Variants in NPAS3 observed in about 807,000 individuals in gnomAD.
NPAS3 encodes neuronal PAS domain protein 3, also known as neuronal PAS domain-containing protein 3.
In NPAS3, 14 loss-of-function variants were observed where a neutral mutation model predicts 73.1. The ratio of observed to expected loss-of-function variants is 0.19; its 90% CI spans 0.13 to 0.30. NPAS3 has a LOEUF of 0.30. Ranked by LOEUF, NPAS3 falls within the 10% of genes least tolerant of loss-of-function variation. The probability of loss-of-function intolerance (pLI) is 1.00; values close to 1 mark genes in which losing one functional copy is unlikely to be tolerated. For missense variants in NPAS3, 1,096 were observed against 1,250.0 expected (o/e 0.88, Z 1.86); for synonymous variants, 620 against 541.5 (o/e 1.14, Z -2.01).
At chr14:33,607,993 C>T (rs1488801731) in intron 5 of NPAS3, among the ~76,000 whole-genome samples, 1 of 152,066 alleles carries the variant, frequency 6.6e-6, no homozygotes, top group Non-Finnish European at 1.5e-5. Flanking sequence ...CCACTGGGTC[C>T]CTCCCACCAC....
intron 6 of NPAS3, 102 bp downstream of exon 6, chr14:33,676,487 T>C (rs752343814): frequency 3.4e-6 from 3 of 893,748 alleles, no homozygotes; most frequent in Non-Finnish European, 4.8e-6. Context: ...GGTCTAAGGG[T>C]ATTTAACAAT....
At chr14:33,205,856 C>G (rs948399937) in intron 2 of NPAS3, among the ~76,000 whole-genome samples, 2 of 152,172 alleles carry the variant, frequency 1.3e-5, no homozygotes, top group Admixed American at 6.5e-5. Flanking sequence ...TCTTCAGAAG[C>G]TTTCTTCCAC....
rs191318563 is a variant in NPAS3, at chr14:33,184,760, C to T, written c.141-30422C>T. ...GGAAGAAGAAATACAGGATGCTGCCCGGTGTTCTGATGTGGACAGTGGGTG... is the reference window on the plus strand; with the variant it reads ...GGAAGAAGAAATACAGGATGCTGCCTGGTGTTCTGATGTGGACAGTGGGTG... On this transcript the variant is annotated intron_variant, in intron 2 of 11. Transcript: ENST00000356141. Among the ~76,000 whole-genome samples the T allele has an allele frequency of 5.3e-5, 8 of 152,110 alleles. No homozygotes were observed. In the East Asian group the frequency reaches 1.2e-3, roughly 22 times the overall value.
intron 2 of NPAS3, among the ~76,000 whole-genome samples, chr14:33,108,993 A>T (rs1357425454): frequency 1.3e-5 from 2 of 152,166 alleles, no homozygotes; most frequent in African/African-American, 2.4e-5. Context: ...GTTTGTGAAG[A>T]AGATTTTGTT....
chr14:33,711,029 C>T (rs776743016), intron 6 of NPAS3, among the ~76,000 whole-genome samples: 32 of 152,132 alleles, frequency 2.1e-4, no homozygotes, highest in Admixed American at 1.3e-3. Flanking sequence ...TGGGAGCAAG[C>T]GCAGGTTTCC....
intron 4 of NPAS3, among the ~76,000 whole-genome samples, chr14:33,556,447 C>T (rs2055361268): frequency 6.6e-6 from 1 of 152,144 alleles, no homozygotes; most frequent in South Asian, 2.1e-4. Context: ...TCCATCCTTA[C>T]TAGTCATTAT....
chr14:33,022,460 C>A (rs370827672), intron 1 of NPAS3, among the ~76,000 whole-genome samples: 1 of 151,918 alleles, frequency 6.6e-6, no homozygotes, highest in Non-Finnish European at 1.5e-5. Context: ...GTCAGGAGAT[C>A]GAGACCATCC....
intron 2 of NPAS3, among the ~76,000 whole-genome samples, chr14:33,067,917 T>G (rs191298007): frequency 6.6e-6 from 1 of 152,236 alleles, no homozygotes; most frequent in South Asian, 2.1e-4. Context: ...GCCTCTCTCT[T>G]GTCTCAAATA....
chr14:33,483,411 C>T (rs144470090), intron 4 of NPAS3, among the ~76,000 whole-genome samples: 62 of 152,276 alleles, frequency 4.1e-4, no homozygotes, highest in African/African-American at 1.4e-3. Context: ...TACATTTCCA[C>T]AGTTATACCT....
chr14:33,399,347 G>A lies in NPAS3; in HGVS notation c.468+32079G>A, dbSNP rs138155778. Among the ~76,000 whole-genome samples the A allele has an allele frequency of 1.7e-3, 266 of 152,106 alleles. 1 individual carries two copies. Among genetic ancestry groups the A allele is most frequent in the African/African-American group, 6.1e-3 (255 of 41,506 alleles). ...ATTTTTTTTTCTTAAGGAACATGGA[G>A]TGCTTGCCTCTTCCGGTAGAACAAG... is the stretch of plus-strand genomic sequence containing the variant. On this transcript the variant is annotated intron_variant, in intron 4 of 11. Transcript: ENST00000356141.
intron 6 of NPAS3, among the ~76,000 whole-genome samples, chr14:33,732,922 C>G (rs1406893618): frequency 6.6e-6 from 1 of 152,222 alleles, no homozygotes; most frequent in African/African-American, 2.4e-5. Flanking sequence ...TCTAATGTAC[C>G]CTCTAAGTGT....
Position 32,946,360 on chromosome 14 carries a change from A to G in NPAS3, c.50+6994A>G, listed in dbSNP as rs1446090732. 2.8e-3 allele frequency among the ~76,000 whole-genome samples: 423 copies of G among 151,120 alleles called. 2 individuals carry two copies. The highest frequency in any genetic ancestry group is 9.5e-3 in the African/African-American group (391 of 41,130). On this transcript the variant is annotated intron_variant, in intron 1 of 11. Coordinates refer to ENST00000356141, the Ensembl canonical transcript of NPAS3. Reference sequence around the variant, plus strand: ...CACACACACACGCGCACACACACACACACACACACACACACACACACACAC... The same window carrying G: ...CACACACACACGCGCACACACACACGCACACACACACACACACACACACAC...
At chr14:33,570,025 G>A (rs1018156593) in intron 5 of NPAS3, among the ~76,000 whole-genome samples, 1 of 152,126 alleles carries the variant, frequency 6.6e-6, no homozygotes, top group Non-Finnish European at 1.5e-5. Context: ...ATACAGATGG[G>A]GTATTTGTGT....
chr14:33,756,082 AG>A (rs1158392184), intron 7 of NPAS3, among the ~76,000 whole-genome samples: 1 of 152,228 alleles, frequency 6.6e-6, no homozygotes, highest in African/African-American at 2.4e-5. Context: ...AAGTTTGGTG[AG>A]GGCAAATACC....
intron 3 of NPAS3, among the ~76,000 whole-genome samples, chr14:33,246,839 C>CAAAAAAAAAAAAA (rs571439161): frequency 1.6e-5 from 1 of 61,954 alleles, no homozygotes; most frequent in Non-Finnish European, 2.8e-5. Flanking sequence ...ATTAAAAATA[C>CAAAAAAAAAAAAA]AAAAAAAAAA....
intron 1 of NPAS3, among the ~76,000 whole-genome samples, chr14:33,055,625 C>A (rs969877216): frequency 6.6e-6 from 1 of 151,654 alleles, no homozygotes; most frequent in Non-Finnish European, 1.5e-5. Flanking sequence ...AAGGTTTAGA[C>A]CTATGTCTCT....
chr14:33,302,431 A>G (rs1177896764), intron 3 of NPAS3, among the ~76,000 whole-genome samples: 1 of 152,234 alleles, frequency 6.6e-6, no homozygotes, highest in African/African-American at 2.4e-5. Flanking sequence ...CAGTATGGCC[A>G]GAAGAAAATT....
rs1310457970 is a variant in NPAS3 at position 33,788,634 on chromosome 14, C to T, written c.1154-5263C>T. Among the ~76,000 whole-genome samples the T allele has an allele frequency of 4.6e-5, 7 of 152,304 alleles. No individual in the cohort carries two copies. The South Asian group carries it at 6.2e-4, about 14-fold the overall frequency. On this transcript the variant is annotated intron_variant, in intron 9 of 11. Transcript: ENST00000356141. The stretch of plus-strand genomic sequence containing the variant: ...AGAACAGCCCAACAGGAAGAGACCA[C>T]GTTCTCTTTTTTTCTCCATATTTCT...
chr14:33,442,916 A>T (rs1411074447), intron 4 of NPAS3, among the ~76,000 whole-genome samples: 2 of 152,186 alleles, frequency 1.3e-5, no homozygotes, highest in Non-Finnish European at 2.9e-5. Flanking sequence ...TGTTTACTTA[A>T]AGAGGTAAGG....
Sources: gnomAD v4.1 joint callset for allele counts (sites outside exome capture counted in the v4.1 genomes callset) on GRCh38, gnomAD v4.1.1 for gene constraint, MANE v1.5 for transcripts, NCBI Gene and HGNC (gene_info 2026-07-23, HGNC 2026-07-21) for gene names.